Variants in CCDC148 observed in about 807,000 individuals in gnomAD.
The protein encoded by CCDC148 is coiled-coil domain containing 148, also known as coiled-coil domain-containing protein 148.
Under a neutral mutation model 85.7 loss-of-function variants are expected in CCDC148, and 89 were observed. The ratio of observed to expected loss-of-function variants is 1.04; its 90% CI spans 0.87 to 1.24. The LOEUF (loss-of-function observed/expected upper bound fraction) is 1.24. CCDC148 is among the 50% of genes most tolerant of loss of function. The pLI is 0.00. For synonymous variants in CCDC148, 230 were observed against 213.9 expected, an observed-to-expected ratio of 1.08 and a Z score of -0.66; for missense variants, 692 against 671.7, an observed-to-expected ratio of 1.03 and a Z score of -0.33.
chr2:158,249,889 C>A (rs1170975883), intron 10 of CCDC148, among the ~76,000 whole-genome samples: 1 of 152,050 alleles, frequency 6.6e-6, no homozygotes, highest in Admixed American at 6.6e-5. Flanking sequence ...GCACTGCAAG[C>A]AGCTTTTCCA....
At chr2:158,353,975 C>A (rs1250567239) in intron 2 of CCDC148, among the ~76,000 whole-genome samples, 1 of 152,162 alleles carries the variant, frequency 6.6e-6, no homozygotes, top group Non-Finnish European at 1.5e-5. Flanking sequence ...TCCTGAATGA[C>A]CACTGGGTAC....
chr2:158,431,890 T>C (rs1457011438), intron 1 of CCDC148, among the ~76,000 whole-genome samples: 1 of 151,988 alleles, frequency 6.6e-6, no homozygotes, highest in Non-Finnish European at 1.5e-5. Context: ...TGAGTCAAGA[T>C]TGTGCCACTG....
At chr2:158,299,136 T>C (rs781343641) in intron 9 of CCDC148, among the ~76,000 whole-genome samples, 2 of 152,188 alleles carry the variant, frequency 1.3e-5, no homozygotes, top group Non-Finnish European at 2.9e-5. Context: ...ATGGCCTTTC[T>C]AGGGTTTCAA....
chr2:158,189,259 G>C (rs1043706144), intron 11 of CCDC148, among the ~76,000 whole-genome samples: 5 of 151,814 alleles, frequency 3.3e-5, no homozygotes, highest in African/African-American at 1.2e-4. Context: ...TCCCATTCTT[G>C]TAAATCAATT....
At chr2:158,239,048 T>C (rs1688233992) in intron 10 of CCDC148, among the ~76,000 whole-genome samples, 1 of 152,166 alleles carries the variant, frequency 6.6e-6, no homozygotes, top group African/African-American at 2.4e-5. Flanking sequence ...ATCATATAAG[T>C]ATCTACCCCT....
intron 9 of CCDC148, among the ~76,000 whole-genome samples, chr2:158,264,340 A>G (rs1689362843): frequency 6.6e-6 from 1 of 152,142 alleles, no homozygotes; most frequent in African/African-American, 2.4e-5. Flanking sequence ...CATCTTAGCT[A>G]TACAGGAGAC....
At chr2:158,286,960 A>T (rs1238212206) in intron 9 of CCDC148, among the ~76,000 whole-genome samples, 1 of 152,216 alleles carries the variant, frequency 6.6e-6, no homozygotes, top group African/African-American at 2.4e-5. Flanking sequence ...GACTGGGAAG[A>T]AAAAGATGTT....
intron 9 of CCDC148, among the ~76,000 whole-genome samples, chr2:158,273,863 C>G (rs527789202): frequency 3.9e-5 from 6 of 152,054 alleles, no homozygotes; most frequent in African/African-American, 1.2e-4. Flanking sequence ...GTGCCTCCCC[C>G]ACCCAACCAA....
intron 9 of CCDC148, among the ~76,000 whole-genome samples, chr2:158,260,498 G>C (rs945927588): frequency 1.3e-5 from 2 of 151,988 alleles, no homozygotes; most frequent in Non-Finnish European, 2.9e-5. Flanking sequence ...CATAGTATTA[G>C]AAGTCCTAGC....
intron 9 of CCDC148, among the ~76,000 whole-genome samples, chr2:158,279,557 G>C (rs569135532): frequency 6.6e-6 from 1 of 152,210 alleles, no homozygotes; most frequent in Admixed American, 6.5e-5. Flanking sequence ...GAAATGAAGT[G>C]AGAAGGTAAG....
chr2:158,345,687 C>T (rs1682962029), intron 2 of CCDC148, among the ~76,000 whole-genome samples: 1 of 152,184 alleles, frequency 6.6e-6, no homozygotes, highest in East Asian at 1.9e-4. Flanking sequence ...GGCATAATAG[C>T]CATCTTTATT....
chr2:158,201,517 G>A (rs1417093641), intron 11 of CCDC148, among the ~76,000 whole-genome samples: 5 of 151,876 alleles, frequency 3.3e-5, no homozygotes, highest in East Asian at 1.9e-4. Context: ...TCAAGTGACC[G>A]TCCCACCTCA....
intron 13 of CCDC148, among the ~76,000 whole-genome samples, chr2:158,175,353 G>A (rs935144499): frequency 1.3e-5 from 2 of 148,610 alleles, no homozygotes; most frequent in South Asian, 2.1e-4. Context: ...TGTTATTATC[G>A]TAAATCATCT....
At chr2:158,432,182 A>C (rs1264263095) in intron 1 of CCDC148, among the ~76,000 whole-genome samples, 2 of 152,020 alleles carry the variant, frequency 1.3e-5, no homozygotes, top group Non-Finnish European at 2.9e-5. Flanking sequence ...AATAAAACAT[A>C]ATCAAAAGGG....
At chr2:158,347,336 A>G (rs1683043944) in intron 2 of CCDC148, among the ~76,000 whole-genome samples, 1 of 152,146 alleles carries the variant, frequency 6.6e-6, no homozygotes. Flanking sequence ...AGTAGACTAT[A>G]AAAGTCAAAA....
chr2:158,197,137 G>C (rs1685714927), intron 11 of CCDC148, among the ~76,000 whole-genome samples: 1 of 152,182 alleles, frequency 6.6e-6, no homozygotes, highest in Non-Finnish European at 1.5e-5. Flanking sequence ...ATTTTATACA[G>C]AGAAGTCTTT....
chr2:158,185,027 G>A (rs75544382), intron 11 of CCDC148, among the ~76,000 whole-genome samples: 8,425 of 152,218 alleles, frequency 0.055, 786 homozygotes, highest in African/African-American at 0.19. Context: ...CCAGTTACAA[G>A]TTACTACCTA....
chr2:158,382,345 G>C (rs902148622), intron 1 of CCDC148, among the ~76,000 whole-genome samples: 3 of 152,068 alleles, frequency 2.0e-5, no homozygotes, highest in Admixed American at 6.6e-5. Context: ...TTAGATTTTT[G>C]TTATTGGGAA....
At chr2:158,418,680 CTCTTA>C (rs1281963422) in intron 1 of CCDC148, among the ~76,000 whole-genome samples, 4 of 151,102 alleles carry the variant, frequency 2.6e-5, no homozygotes, top group African/African-American at 4.9e-5. Flanking sequence ...TCAGAACACT[CTCTTA>C]TATCATCTTA....
Sources: gnomAD v4.1 joint callset for allele counts (sites outside exome capture counted in the v4.1 genomes callset) on GRCh38, gnomAD v4.1.1 for gene constraint, MANE v1.5 for transcripts, NCBI Gene and HGNC (gene_info 2026-07-23, HGNC 2026-07-21) for gene names.